The following CTDSPL variants were observed in gnomAD, a reference collection of about 807,000 sequenced individuals.
The protein encoded by CTDSPL is CTD small phosphatase-like protein.
Under a neutral mutation model 30.5 loss-of-function variants are expected in CTDSPL, and 8 were observed. The observed-to-expected ratio is 0.26, with a 90% confidence interval of 0.15 to 0.47. The LOEUF (loss-of-function observed/expected upper bound fraction) is 0.47, where lower values mean the gene tolerates loss of function less well. Ranked by LOEUF, CTDSPL falls within the 20% of genes least tolerant of loss-of-function variation. The pLI, the probability that CTDSPL is intolerant of heterozygous loss-of-function variation, is 0.99. For missense variants in CTDSPL, 248 were observed against 366.1 expected (o/e 0.68, Z 2.63); for synonymous variants, 110 against 137.9 (o/e 0.80, Z 1.42).
chr3:37,911,559 G>T (rs1698583078), intron 1 of CTDSPL: 1 of 413,088 alleles, frequency 2.4e-6, no homozygotes, highest in African/African-American at 2.0e-5. Context: ...TAGCTATAGA[G>T]TAGCTATTTC....
rs1697956410 is a variant in CTDSPL at position 37,862,602 on chromosome 3, C to G, written c.79+324C>G. On this transcript the variant is annotated intron_variant, in intron 1 of 7. Transcript: ENST00000273179. The surrounding 1 kb of genome is among the most constrained non-coding windows in gnomAD (Gnocchi z 4.3). Reference sequence around the variant, plus strand: ...CTAACACAGAGGTTCTAAGTGTGTGCACTTGTATGTGTGTGTGCACACGCG... The same window carrying G: ...CTAACACAGAGGTTCTAAGTGTGTGGACTTGTATGTGTGTGTGCACACGCG... Among the ~76,000 whole-genome samples, 1 of 152,108 alleles carries G rather than the reference C, an allele frequency of 6.6e-6. No homozygotes were observed. Among genetic ancestry groups the G allele is most frequent in the Non-Finnish European group, 1.5e-5 (1 of 68,010 alleles).
At chr3:37,929,814 G>A (rs1188095934) in intron 1 of CTDSPL, among the ~76,000 whole-genome samples, 4 of 152,116 alleles carry the variant, frequency 2.6e-5, no homozygotes, top group African/African-American at 9.7e-5. Context: ...AATGTGTACA[G>A]TAGAAATGGC....
At chr3:37,878,601 A>G (rs544223244) in intron 1 of CTDSPL, among the ~76,000 whole-genome samples, 84 of 152,316 alleles carry the variant, frequency 5.5e-4, no homozygotes, top group African/African-American at 1.9e-3. Context: ...TCAGAAGTAA[A>G]TTTTTGGTCA....
intron 5 of CTDSPL, among the ~76,000 whole-genome samples, chr3:37,970,571 A>C (rs1234763353): frequency 6.6e-6 from 1 of 152,158 alleles, no homozygotes; most frequent in Non-Finnish European, 1.5e-5. Context: ...TTCTCTCACC[A>C]GCTTTGCCTT....
At chr3:37,882,710 A>G (rs758954764) in intron 1 of CTDSPL, among the ~76,000 whole-genome samples, 3 of 152,196 alleles carry the variant, frequency 2.0e-5, no homozygotes, top group Non-Finnish European at 4.4e-5. Flanking sequence ...TGAACTCAAA[A>G]GAAGAGGTTA....
At position 37,912,302 on chromosome 3, in the gene CTDSPL, T is replaced by C. The variant is rs543605756; in HGVS notation, c.80-34755T>C. Among the ~76,000 whole-genome samples, 19 of 152,334 alleles carry C rather than the reference T, an allele frequency of 1.2e-4. No homozygotes were observed. The South Asian group carries it at 1.9e-3, about 15-fold the overall frequency. On this transcript the variant is annotated intron_variant, in intron 1 of 7. Transcript: ENST00000273179. ...CACTCCTACCTTCCAGGCATGTGTT[T>C]ACAGGCCAGAAATGTTAAGGTCTGA...
chr3:37,920,808 A>G (rs964582468), intron 1 of CTDSPL, among the ~76,000 whole-genome samples: 3 of 151,618 alleles, frequency 2.0e-5, no homozygotes, highest in African/African-American at 7.3e-5. Context: ...CTTGCTGTAT[A>G]GCATGAGGCA....
Position 37,969,271 on chromosome 3 carries a change from AG to A in CTDSPL, c.426+1391del, listed in dbSNP as rs1275306128. The A allele has an allele frequency of 1.8e-5, 8 of 439,862 alleles. No individual in the cohort carries two copies. The East Asian group carries it at 5.6e-4, about 31-fold the overall frequency. 27.2% of individuals were successfully genotyped at this position (439,862 alleles called of 1,614,324 possible). ...CTGCCCACTGCTGACCCATTCTTGC[AG>A]GAGCTCCCCCACCCTCCATCCTGGC... On this transcript the variant is annotated intron_variant, in intron 5 of 7. Coordinates refer to ENST00000273179, the MANE Select transcript of CTDSPL (RefSeq NM_001008392.2).
At chr3:37,888,072 G>A (rs1308824511) in intron 1 of CTDSPL, among the ~76,000 whole-genome samples, 3 of 152,166 alleles carry the variant, frequency 2.0e-5, no homozygotes, top group South Asian at 2.1e-4. Flanking sequence ...AAGGCTGTGC[G>A]AGATGAAAGA....
chr3:37,904,899 C>G (rs1698496240), intron 1 of CTDSPL, among the ~76,000 whole-genome samples: 1 of 152,190 alleles, frequency 6.6e-6, no homozygotes. Flanking sequence ...CCCTGTCCAT[C>G]TTTCCAAGTA....
chr3:37,881,534 A>G (rs1041447316), intron 1 of CTDSPL, among the ~76,000 whole-genome samples: 4 of 152,234 alleles, frequency 2.6e-5, no homozygotes. Context: ...GTCTCAAAAA[A>G]ATAAAAATAA....
At chr3:37,874,741 T>C (rs1373636398) in intron 1 of CTDSPL, among the ~76,000 whole-genome samples, 2 of 151,630 alleles carry the variant, frequency 1.3e-5, no homozygotes, top group Non-Finnish European at 2.9e-5. Flanking sequence ...AAAATAATAA[T>C]AATAATAATA....
Position 37,943,397 on chromosome 3 carries a change from C to A in CTDSPL, c.80-3660C>A, listed in dbSNP as rs901726451. Among the ~76,000 whole-genome samples, 6 of 149,538 alleles carry A rather than the reference C, an allele frequency of 4.0e-5. 1 individual carries two copies. The South Asian group carries it at 1.3e-3, about 32-fold the overall frequency. On this transcript the variant is annotated intron_variant, in intron 1 of 7. Transcript: ENST00000273179. Reference sequence around the variant, plus strand: ...GGATGTCAGTGTGATGAGGAGTCTACCATGGAGGAAGCTAGGGAGTAAGGT... The same window carrying A: ...GGATGTCAGTGTGATGAGGAGTCTAACATGGAGGAAGCTAGGGAGTAAGGT...
At chr3:37,939,846 C>T (rs1698957795) in intron 1 of CTDSPL, among the ~76,000 whole-genome samples, 1 of 150,476 alleles carries the variant, frequency 6.6e-6, no homozygotes, top group Non-Finnish European at 1.5e-5. Context: ...ATAATCCCCG[C>T]ACTTTGGAAG....
chr3:37,918,446 C>T lies in CTDSPL; in HGVS notation c.80-28611C>T, dbSNP rs184363718. The stretch of plus-strand genomic sequence containing the variant: ...TCATGTGAAATATTTCCCATGCCTT[C>T]TTGCATTTTCTTTATTTCTTGGAGC... On this transcript the variant is annotated intron_variant, in intron 1 of 7. Coordinates refer to ENST00000273179, the MANE Select transcript of CTDSPL (RefSeq NM_001008392.2). Among the ~76,000 whole-genome samples, 349 of 152,280 alleles carry T rather than the reference C, an allele frequency of 2.3e-3. 1 individual carries two copies. The highest frequency in any genetic ancestry group is 7.5e-3 in the African/African-American group (310 of 41,544).
At chr3:37,930,873 C>G (rs911869378) in intron 1 of CTDSPL, among the ~76,000 whole-genome samples, 2 of 152,150 alleles carry the variant, frequency 1.3e-5, no homozygotes, top group Admixed American at 6.5e-5. Flanking sequence ...TTTGGGTGCT[C>G]TGATGTTATA....
chr3:37,972,219 G>A (rs140489266), intron 6 of CTDSPL, among the ~76,000 whole-genome samples: 25 of 152,268 alleles, frequency 1.6e-4, no homozygotes, highest in East Asian at 1.2e-3. Context: ...ATGATAGGCC[G>A]GGCGCGGTTG....
chr3:37,913,634 CA>C (rs1698608737), intron 1 of CTDSPL, among the ~76,000 whole-genome samples: 1 of 152,168 alleles, frequency 6.6e-6, no homozygotes, highest in Non-Finnish European at 1.5e-5. Flanking sequence ...CATTTCATAT[CA>C]GAATTTGGGT....
At chr3:37,877,680 C>CTATAAAGGAATACCTGAGATGGGTAATT (rs372180283) in intron 1 of CTDSPL, among the ~76,000 whole-genome samples, 7,789 of 152,182 alleles carry the variant, frequency 0.051, 244 homozygotes, top group South Asian at 0.095. Flanking sequence ...TTTTGCATTG[C>CTATAAAGGAATACCTGAGATGGGTAATT]TATAAAGAAA....
Sources: allele counts gnomAD v4.1 joint callset (sites outside exome capture counted in the v4.1 genomes callset), GRCh38; gene constraint gnomAD v4.1.1; non-coding constraint Gnocchi (gnomAD v3.1); transcripts MANE v1.5; gene names NCBI Gene and HGNC (gene_info 2026-07-23, HGNC 2026-07-21).